The following DNHD1 variants were observed in gnomAD, a reference collection of about 807,000 sequenced individuals.
The protein encoded by DNHD1 is dynein heavy chain domain-containing protein 1.
DNHD1 carries 383 observed loss-of-function variants against 458.1 expected under a neutral mutation model. The observed-to-expected ratio is 0.84, with a 90% CI of 0.77 to 0.91. The LOEUF (loss-of-function observed/expected upper bound fraction) is 0.91, where lower values mean the gene tolerates loss of function less well. Among genes scored for constraint, DNHD1 ranks in the 40% least tolerant of loss-of-function variants. The probability of loss-of-function intolerance (pLI) is 0.00; values close to 1 mark genes in which losing one functional copy is unlikely to be tolerated. For synonymous variants in DNHD1, 2,203 were observed against 2,376.9 expected (o/e 0.93, Z 2.13); for missense variants, 5,336 against 5,866.1 (o/e 0.91, Z 2.95).
At chr11:6,511,183 A>G in intron 6 of DNHD1, 90 bp from the exon 7 acceptor site, 1 of 1,493,258 alleles carries the variant, frequency 6.7e-7, no homozygotes, top group Non-Finnish European at 9.1e-7. Flanking sequence ...ATATTTGTGC[A>G]GTCTGAGGTA....
At chr11:6,540,422 A>G (rs1179907192) in intron 18 of DNHD1, among the ~76,000 whole-genome samples, 1 of 152,134 alleles carries the variant, frequency 6.6e-6, no homozygotes, top group African/African-American at 2.4e-5. Context: ...GTCTGATTTT[A>G]TACCTTATTC....
At chr11:6,540,791 T>C (rs1177960592) in intron 18 of DNHD1, among the ~76,000 whole-genome samples, 3 of 152,232 alleles carry the variant, frequency 2.0e-5, no homozygotes, top group Non-Finnish European at 2.9e-5. Flanking sequence ...AGCTAGGGCA[T>C]TGCCAATAGA....
intron 17 of DNHD1, among the ~76,000 whole-genome samples, chr11:6,539,609 G>A (rs762374260): frequency 3.9e-5 from 6 of 152,226 alleles, no homozygotes; most frequent in Admixed American, 6.5e-5. Flanking sequence ...CCCAGAGGGT[G>A]CGAGCTGACT....
intron 3 of DNHD1, 84 bp from the exon 4 acceptor site, chr11:6,502,669 C>T: frequency 7.5e-7 from 1 of 1,328,142 alleles, no homozygotes; most frequent in African/African-American, 1.5e-5. Context: ...GTCCTCCTTT[C>T]ACTAGCCAAC....
At position 6,556,927 on chromosome 11, in the gene DNHD1, G is replaced by C; in HGVS notation, c.7632G>C (p.Gln2544His). Residue 2544 changes from glutamine (Q) to histidine (H), a missense_variant, in exon 25 of 43, where the codon CAG becomes CAC. Physicochemically the swap from Gln to His is conservative, Grantham distance 24 (BLOSUM62 0). Transcript: ENST00000254579. ...TGGAAAGACATGTGCCTATCATTCA[G>C]GCTTGGCTTGAGCGTTTCCCTTCTG... ...TLLERHVPIIQAWLERFPSVE... is the reference protein window; with the variant it reads ...TLLERHVPIIHAWLERFPSVE... The C allele has an allele frequency of 6.4e-7, 1 of 1,551,704 alleles. No individual in the cohort carries two copies. The highest frequency in any genetic ancestry group is 1.2e-5 in the South Asian group (1 of 84,054).
In DNHD1 at chr11:6,520,234, G is replaced by A; in HGVS notation, c.1786-4G>A. The A allele has an allele frequency of 6.4e-7, 1 of 1,557,466 alleles. No individual in the cohort carries two copies. The highest frequency in any genetic ancestry group is 8.7e-7 in the Non-Finnish European group (1 of 1,149,606). On this transcript the variant is annotated splice_region_variant and splice_polypyrimidine_tract_variant and intron_variant, in intron 9 of 42. Transcript: ENST00000254579. ...CTGCCCCTTCTCCATATCCTGGCAT[G>A]AAGGTAGTGCAGTCTGCAGACCTGA...
chr11:6,534,574 C>T (rs80004345), intron 14 of DNHD1, among the ~76,000 whole-genome samples: 1 of 152,164 alleles, frequency 6.6e-6, no homozygotes, highest in African/African-American at 2.4e-5. Context: ...GATGCTCTAG[C>T]AGATCACTTC....
intron 7 of DNHD1, 145 bp from the exon 8 acceptor site, chr11:6,519,455 G>A (rs1297712843): frequency 4.6e-6 from 4 of 862,068 alleles, no homozygotes; most frequent in Admixed American, 2.3e-5. Flanking sequence ...GTGGGGTAGG[G>A]TAAACTCTAC....
In DNHD1 at chr11:6,534,351, C is replaced by T. The variant is rs963505981; in HGVS notation, c.2998+178C>T. 7.4e-6 allele frequency: 5 copies of T among 677,180 alleles called. No individual in the cohort carries two copies. In the East Asian group the frequency reaches 1.4e-4, roughly 19 times the overall value. 41.9% of individuals were successfully genotyped at this position (677,180 alleles called of 1,614,324 possible). ...CAGGACAAAAACATCATATATTGAC[C>T]ATGGCAGGTGTTGTGCTTAGGGTGG... On this transcript the variant is annotated intron_variant, in intron 14 of 42. Coordinates refer to ENST00000254579, the MANE Select transcript of DNHD1 (RefSeq NM_144666.3).
chr11:6,547,699 T>G, intron 21 of DNHD1, 33 bp downstream of exon 21: 1 of 1,501,994 alleles, frequency 6.7e-7, no homozygotes. Flanking sequence ...TTGAGAGAGA[T>G]GGGGCCTTAA....
intron 10 of DNHD1, 198 bp downstream of exon 10, chr11:6,520,487 GT>G: frequency 7.0e-7 from 1 of 1,436,522 alleles, no homozygotes; most frequent in South Asian, 1.4e-5. Flanking sequence ...ACAAATTCAC[GT>G]GGTTATGTGT....
Position 6,498,959 on chromosome 11 carries a change from C to G in DNHD1, c.744C>G (p.Thr248=). Residue 248 remains threonine, a splice_region_variant and synonymous_variant, in exon 3 of 43, where the codon ACC becomes ACG. Coordinates refer to ENST00000254579, the MANE Select transcript of DNHD1 (RefSeq NM_144666.3). ...TGGAGCCTGTTGGAAGAAAAGAGACCAGGTAAGTGAGGGACTCAGTCTAGG... is the reference window on the plus strand; with the variant it reads ...TGGAGCCTGTTGGAAGAAAAGAGACGAGGTAAGTGAGGGACTCAGTCTAGG... The part of the protein sequence containing the change: ...AEVEPVGRKE[T]RSQLDYEVPR... The G allele has an allele frequency of 1.3e-6, 2 of 1,596,602 alleles. No individual in the cohort carries two copies. The highest frequency in any genetic ancestry group is 1.7e-6 in the Non-Finnish European group (2 of 1,170,650).
chr11:6,570,561 CG>C, intron 41 of DNHD1, 56 bp from the exon 42 acceptor site: 1 of 1,508,144 alleles, frequency 6.6e-7, no homozygotes, highest in East Asian at 2.4e-5. Flanking sequence ...CCTACTCTCT[CG>C]AGTCTAGGGT....
intron 10 of DNHD1, among the ~76,000 whole-genome samples, chr11:6,522,915 G>A (rs779362175): frequency 7.2e-5 from 11 of 152,078 alleles, no homozygotes; most frequent in Non-Finnish European, 1.0e-4. Context: ...AGTCTTAAAC[G>A]GCGTTCTCCA....
rs1284673139 is a variant in DNHD1, at chr11:6,557,422, A to T, written c.8127A>T (p.Glu2709Asp). Residue 2709 changes from glutamate to aspartate, a missense_variant, in exon 25 of 43, where the codon GAA becomes GAT. Physicochemically the swap from Glu to Asp is conservative, Grantham distance 45. Coordinates refer to ENST00000254579, the MANE Select transcript of DNHD1 (RefSeq NM_144666.3). ...AGGAGGAGAGGGTGCCCGAAGTAGA[A>T]TCTGAAGGGGAGTTGGCCCAGTGGG... The part of the protein sequence containing the change: ...EEEEERVPEV[E>D]SEGELAQWED... The T allele has an allele frequency of 9.0e-6, 14 of 1,551,268 alleles. No individual in the cohort carries two copies. The highest frequency in any genetic ancestry group is 1.4e-5 in the African/African-American group (1 of 73,016).
rs1295593700 is a variant in DNHD1 at position 6,545,141 on chromosome 11, C to T, written c.4202C>T (p.Thr1401Ile). Residue 1401 changes from threonine (T) to isoleucine (I), a missense_variant, in exon 21 of 43, where the codon ACT (threonine) becomes ATT (isoleucine). Thr to Ile is a moderately conservative substitution (Grantham distance 89, BLOSUM62 -1). This residue lies in a region of DNHD1 where 3,932 missense variants were observed against 4,365.6 expected (regional missense o/e 0.90). Transcript: ENST00000254579. This position sits in a 1 kb window ranked among gnomAD's most constrained non-coding sequence, Gnocchi z 4.9. ...GCTGTGAGCTTCAGGTCTTGCCCAA[C>T]TGGTGAGAAAAACACAGATGACTGG... ...VHAVSFRSCP[T>I]GEKNTDDWES... 1.3e-6 allele frequency: 2 copies of T among 1,552,156 alleles called. No homozygotes were observed. The highest frequency in any genetic ancestry group is 1.7e-6 in the Non-Finnish European group (2 of 1,147,102).
intron 28 of DNHD1, among the ~76,000 whole-genome samples, chr11:6,562,509 G>A (rs1853606196): frequency 6.6e-6 from 1 of 152,100 alleles, no homozygotes; most frequent in African/African-American, 2.4e-5. Context: ...TGTAGAGTGA[G>A]AAGAGAAAGG....
Position 6,502,777 on chromosome 11 carries a change from C to T in DNHD1, c.771C>T (p.Pro257=). The T allele has an allele frequency of 6.2e-7, 1 of 1,601,980 alleles. No individual in the cohort carries two copies. Among genetic ancestry groups the T allele is most frequent in the Non-Finnish European group, 8.5e-7 (1 of 1,175,280 alleles). Residue 257 remains proline, a synonymous_variant, in exon 4 of 43, where the codon CCC becomes CCT. Transcript: ENST00000254579. ...GGTCTCAGCTTGACTATGAAGTTCC[C>T]AGGGAAAAGGCCTTCCAAAAGAGCA... ...ETRSQLDYEV[P]REKAFQKSST...
At chr11:6,518,251 C>A (rs576946909) in intron 7 of DNHD1, among the ~76,000 whole-genome samples, 2 of 152,098 alleles carry the variant, frequency 1.3e-5, no homozygotes, top group Admixed American at 6.6e-5. Context: ...TTGCAGAGAT[C>A]GGGTTTCACC....
Sources: allele counts gnomAD v4.1 joint callset (sites outside exome capture counted in the v4.1 genomes callset), GRCh38; gene constraint gnomAD v4.1.1; regional missense constraint gnomAD v4.1.1; non-coding constraint Gnocchi (gnomAD v3.1); transcripts MANE v1.5; gene names NCBI Gene and HGNC (gene_info 2026-07-23, HGNC 2026-07-21).